The following NR2F1 variants were observed in gnomAD, a reference collection of about 807,000 sequenced individuals.
The protein encoded by NR2F1 is nuclear receptor subfamily 2 group F member 1.
A neutral mutation model predicts 37.7 loss-of-function variants in NR2F1; 1 was observed. The ratio of observed to expected loss-of-function variants is 0.03; its 90% confidence interval spans 0.01 to 0.13. NR2F1 has a LOEUF of 0.13. NR2F1 is among the 10% of genes least tolerant of loss of function. The pLI is 1.00. For synonymous variants in NR2F1, 275 were observed against 259.6 expected (o/e 1.06, Z -0.57); for missense variants, 268 against 578.4 (o/e 0.46, Z 5.50).
intron 1 of NR2F1, among the ~76,000 whole-genome samples, chr5:93,586,675 C>G (rs960947955): frequency 5.3e-5 from 8 of 150,960 alleles, no homozygotes; most frequent in Admixed American, 2.6e-4. Flanking sequence ...AAGGAGCAGA[C>G]AAATATGACT....
rs1350061171 is a variant in NR2F1 at position 93,588,323 on chromosome 5, C to G, written c.870C>G (p.Asp290Glu). 4 of 1,613,316 alleles carry G rather than the reference C, an allele frequency of 2.5e-6. No homozygotes were observed. Among genetic ancestry groups the G allele is most frequent in the Non-Finnish European group, 3.4e-6 (4 of 1,179,880 alleles). The change falls in exon 2 of 3, where the codon GAC (aspartate) becomes GAG (glutamate). Residue 290 changes from aspartate to glutamate, a missense_variant. By Grantham distance (45) the Asp-to-Glu change is conservative. Around this residue, in one of 5 missense-constraint regions of NR2F1, gnomAD observed 99 missense variants for 191.9 expected, o/e 0.52. Coordinates refer to ENST00000327111, the MANE Select transcript of NR2F1 (RefSeq NM_005654.6). ...AGLHASPMSA[D>E]RVVAFMDHIR... ...TGCATGCCTCGCCCATGTCTGCCGA[C>G]CGCGTCGTGGCCTTCATGGACCACA...
At chr5:93,587,056 A>C (rs1753244991) in intron 1 of NR2F1, 1 of 151,988 alleles carries the variant, frequency 6.6e-6, no homozygotes, top group Non-Finnish European at 1.5e-5. Context: ...AAAAAAAAAA[A>C]AACTTTGGTC....
chr5:93,585,053 T>C lies in NR2F1; in HGVS notation c.30T>C (p.Asp10=). 9.7e-7 allele frequency: 1 copy of C among 1,032,724 alleles called. No individual in the cohort carries two copies. The highest frequency in any genetic ancestry group is 1.2e-6 in the Non-Finnish European group (1 of 862,098). The allele number at this position is 1,032,724 out of a possible 1,614,324, so 64.0% of individuals were successfully genotyped here. Residue 10 remains aspartate, a synonymous_variant, in exon 1 of 3, where the codon GAT becomes GAC. Transcript: ENST00000327111. ...CAATGGTAGTTAGCAGCTGGCGAGA[T>C]CCGCAGGACGACGTGGCCGGGGGCA... MAMVVSSWR[D]PQDDVAGGNP...
intron 2 of NR2F1, 117 bp downstream of exon 2, chr5:93,588,561 C>T (rs1753272937): frequency 3.3e-6 from 2 of 597,928 alleles, no homozygotes; most frequent in Non-Finnish European, 4.2e-6. Flanking sequence ...GCCGGGCCCT[C>T]GCTGGACACT....
chr5:93,585,068 G>T lies in NR2F1; in HGVS notation c.45G>T (p.Val15=). The stretch of plus-strand genomic sequence containing the variant: ...GCTGGCGAGATCCGCAGGACGACGT[G>T]GCCGGGGGCAACCCCGGCGGCCCCA... The part of the protein sequence containing the change: ...VSSWRDPQDD[V]AGGNPGGPNP... The change falls in exon 1 of 3, where the codon GTG becomes GTT. Residue 15 remains valine, a synonymous_variant. Coordinates refer to ENST00000327111, the MANE Select transcript of NR2F1 (RefSeq NM_005654.6). 9.7e-7 allele frequency: 1 copy of T among 1,034,002 alleles called. No homozygotes were observed. The highest frequency in any genetic ancestry group is 1.2e-6 in the Non-Finnish European group (1 of 862,716). The allele number at this position is 1,034,002 out of a possible 1,614,324, so 64.1% of individuals were successfully genotyped here.
chr5:93,588,790 C>CGTGT (rs200226530), intron 2 of NR2F1, among the ~76,000 whole-genome samples: 42 of 148,280 alleles, frequency 2.8e-4, no homozygotes, highest in Non-Finnish European at 5.0e-4. Context: ...CGCGCGCGCG[C>CGTGT]GCGTGTGTGT....
At position 93,585,009 on chromosome 5, in the gene NR2F1, C is replaced by T; in HGVS notation, c.-15C>T. ...AGCAGCTCGGCTCCCCCCAGCGCTC[C>T]CCGGGCCCAAAGATATGGCAATGGT... On this transcript the variant is annotated 5_prime_UTR_variant, in exon 1 of 3. Transcript: ENST00000327111. 1 of 1,001,356 alleles carries T rather than the reference C, an allele frequency of 1.0e-6. No homozygotes were observed. The highest frequency in any genetic ancestry group is 1.2e-6 in the Non-Finnish European group (1 of 840,584). The allele number at this position is 1,001,356 out of a possible 1,614,324, so 62.0% of individuals were successfully genotyped here. A position where few individuals can be genotyped will look rare whatever the true frequency, so the allele number is the denominator to read the frequency against.
At chr5:93,587,557 T>TC (rs1753253848) in intron 1 of NR2F1, 1 of 229,024 alleles carries the variant, frequency 4.4e-6, no homozygotes, top group Non-Finnish European at 8.4e-6. Context: ...GATTTTTTTT[T>TC]TCCATTCTGG....
chr5:93,585,176 G>A lies in NR2F1; in HGVS notation c.153G>A (p.Thr51=), dbSNP rs1057522243. ...AGGCGGGCTCGGGCGCGCCGCACACGCCGCAGACCCCGGGCCAGCCCGGAG... is the reference window on the plus strand; with the variant it reads ...AGGCGGGCTCGGGCGCGCCGCACACACCGCAGACCCCGGGCCAGCCCGGAG... ...QQQAGSGAPH[T]PQTPGQPGAP... Residue 51 remains threonine, a synonymous_variant, in exon 1 of 3, where the codon ACG becomes ACA. Transcript: ENST00000327111. The A allele has an allele frequency of 6.6e-5, 84 of 1,264,518 alleles. No individual in the cohort carries two copies. The highest frequency in any genetic ancestry group is 8.0e-5 in the Non-Finnish European group (80 of 1,004,490). The allele number at this position is 1,264,518 out of a possible 1,614,324, so 78.3% of individuals were successfully genotyped here. A position where few individuals can be genotyped will look rare whatever the true frequency, so the allele number is the denominator to read the frequency against.
In NR2F1 at chr5:93,583,476, CCTT is replaced by C. The variant is rs1244448070; in HGVS notation, c.-1547_-1545del. ...CCTTTCTCTCCTTTTTCTCCCTCCTCCTTGTCTCTTTTACTCCATTCCTGCAGA... is the reference window on the plus strand; with the variant it reads ...CCTTTCTCTCCTTTTTCTCCCTCCTCGTCTCTTTTACTCCATTCCTGCAGA... On this transcript the variant is annotated 5_prime_UTR_variant, in exon 1 of 3. Coordinates refer to ENST00000327111, the MANE Select transcript of NR2F1 (RefSeq NM_005654.6). The C allele has an allele frequency of 2.0e-5, 3 of 151,932 alleles. No homozygotes were observed. The highest frequency in any genetic ancestry group is 1.3e-4 in the Admixed American group (2 of 15,282). The allele number at this position is 151,932 out of a possible 1,614,324, so 9.4% of individuals were successfully genotyped here.
Position 93,584,002 on chromosome 5 carries a change from T to G in NR2F1, c.-1022T>G, listed in dbSNP as rs983648832. On this transcript the variant is annotated 5_prime_UTR_variant, in exon 1 of 3. Coordinates refer to ENST00000327111, the MANE Select transcript of NR2F1 (RefSeq NM_005654.6). ...CTTCCTCGCCGGCTGCCTCCCGCTC[T>G]CCAGCGCTGCCTTCCTGAATGGCTG... 6.6e-6 allele frequency: 1 copy of G among 151,328 alleles called. No individual in the cohort carries two copies. The highest frequency in any genetic ancestry group is 1.5e-5 in the Non-Finnish European group (1 of 67,836). The allele number at this position is 151,328 out of a possible 1,614,324, so 9.4% of individuals were successfully genotyped here.
intron 2 of NR2F1, among the ~76,000 whole-genome samples, chr5:93,590,699 C>G (rs1389099066): frequency 2.6e-5 from 4 of 152,176 alleles, no homozygotes; most frequent in Non-Finnish European, 5.9e-5. Context: ...AGTCATCCAA[C>G]TTTTAAGCAA....
intron 2 of NR2F1, among the ~76,000 whole-genome samples, chr5:93,589,462 A>G (rs995416983): frequency 6.6e-6 from 1 of 152,272 alleles, no homozygotes; most frequent in African/African-American, 2.4e-5. Context: ...GCCAGAGAGG[A>G]GGCTGGTGGC....
At chr5:93,585,510 C>A (rs781486555) in intron 1 of NR2F1, 24 bp downstream of exon 1, 23 of 1,579,934 alleles carry the variant, frequency 1.5e-5, no homozygotes, top group Non-Finnish European at 2.0e-5. Context: ...CTCTGCTTCT[C>A]TCCCCGCGCT....
intron 1 of NR2F1, chr5:93,587,550 T>G (rs1010136117): frequency 9.3e-6 from 2 of 215,074 alleles, no homozygotes; most frequent in East Asian, 9.9e-5. Flanking sequence ...TAACCCTGAT[T>G]TTTTTTTTCC....
Position 93,593,667 on chromosome 5 carries a change from G to A in NR2F1, c.1097G>A (p.Arg366His), listed in dbSNP as rs1753373048. The change falls in exon 3 of 3, where the codon CGT (arginine) becomes CAT (histidine). Residue 366 changes from arginine (R) to histidine (H), a missense_variant. Coordinates refer to ENST00000327111, the MANE Select transcript of NR2F1 (RefSeq NM_005654.6). The surrounding 1 kb of genome is among the most constrained non-coding windows in gnomAD (Gnocchi z 5.6). ...AGCCAGTACCCCAACCAGCCCAGCC[G>A]TTTTGGCAAACTGCTGCTGCGACTG... ...VRSQYPNQPS[R>H]FGKLLLRLPS... is the part of the protein sequence containing the mutation. The A allele has an allele frequency of 6.2e-7, 1 of 1,614,114 alleles. No individual in the cohort carries two copies. Among genetic ancestry groups the A allele is most frequent in the Non-Finnish European group, 8.5e-7 (1 of 1,180,032 alleles).
At chr5:93,590,521 A>G (rs901155888) in intron 2 of NR2F1, among the ~76,000 whole-genome samples, 3 of 152,220 alleles carry the variant, frequency 2.0e-5, no homozygotes, top group African/African-American at 7.2e-5. Context: ...GTGCCTAGAA[A>G]TGAACAATAA....
intron 2 of NR2F1, among the ~76,000 whole-genome samples, chr5:93,590,681 C>A (rs1753315145): frequency 3.3e-5 from 5 of 152,170 alleles, no homozygotes; most frequent in Admixed American, 3.3e-4. Context: ...CATGGGAAGC[C>A]TTCTCAAAGT....
chr5:93,591,966 G>A (rs1417787821), intron 2 of NR2F1: 1 of 152,178 alleles, frequency 6.6e-6, no homozygotes. Flanking sequence ...GACCAGTGTG[G>A]ATATACCCAA....
Sources: allele counts gnomAD v4.1 joint callset (sites outside exome capture counted in the v4.1 genomes callset), GRCh38; gene constraint gnomAD v4.1.1; regional missense constraint gnomAD v4.1.1; non-coding constraint Gnocchi (gnomAD v3.1); transcripts MANE v1.5; gene names NCBI Gene and HGNC (gene_info 2026-07-23, HGNC 2026-07-21).